ARL17A: variants seen among roughly 807,000 people sequenced by gnomAD.
The protein encoded by ARL17A is ADP-ribosylation factor-like 17-like.
At chr17:46,544,467 T>C (rs146398000) in intron 3 of ARL17A, among the ~76,000 whole-genome samples, 836 of 2,164 alleles carry the variant, frequency 0.39, 2 homozygotes, top group Middle Eastern at 0.46. Context: ...ATAATTATAG[T>C]TAACTCTTAT....
rs546824290 is a variant in ARL17A at position 46,543,356 on chromosome 17, A to T, written c.260-4930T>A. On this transcript the variant is annotated intron_variant, in intron 3 of 4. Transcript: ENST00000329240. The stretch of plus-strand genomic sequence containing the variant: ...TTTACAGTCTCAAAGATTTGTCAGT[A>T]TACTTTAAAACAATCCTGGGAACAG... Among the ~76,000 whole-genome samples, 5 of 150,898 alleles carry T rather than the reference A, an allele frequency of 3.3e-5. No homozygotes were observed. The South Asian group carries it at 1.0e-3, about 31-fold the overall frequency.
chr17:46,503,207 G>A, the ARL17A span, among the ~76,000 whole-genome samples: 4 of 103,664 alleles, frequency 3.9e-5, no homozygotes, highest in Non-Finnish European at 8.3e-5. Flanking sequence ...GGGAGACTCC[G>A]TCTCAAAAAA....
At chr17:46,558,509 C>T (rs1170417772) in intron 3 of ARL17A, among the ~76,000 whole-genome samples, 1 of 123,026 alleles carries the variant, frequency 8.1e-6, no homozygotes, top group Non-Finnish European at 1.7e-5. Flanking sequence ...GCCTCAGCCT[C>T]CCGAATAGCT....
At chr17:46,533,961 C>T (rs896055837) in intron 4 of ARL17A, among the ~76,000 whole-genome samples, 2 of 121,658 alleles carry the variant, frequency 1.6e-5, no homozygotes, top group African/African-American at 4.1e-5. Context: ...TTGACAGTTT[C>T]TTCAGCACTT....
chr17:46,500,736 T>C, the ARL17A span, among the ~76,000 whole-genome samples: 2 of 151,250 alleles, frequency 1.3e-5, no homozygotes, highest in Admixed American at 6.6e-5. Context: ...ATTCAATGAG[T>C]AGCAAAGTTT....
the ARL17A span, among the ~76,000 whole-genome samples, chr17:46,501,730 C>T: frequency 6.6e-6 from 1 of 151,250 alleles, no homozygotes; most frequent in Admixed American, 6.6e-5. Context: ...TCAATTCAAT[C>T]ACCTTTCCAT....
intron 3 of ARL17A, chr17:46,558,836 CT>C (rs765462293): frequency 0.022 from 1,575 of 71,740 alleles, 34 homozygotes; most frequent in African/African-American, 0.061. Context: ...CTCTTTTATT[CT>C]TTTTTTTTTT....
the ARL17A span, among the ~76,000 whole-genome samples, chr17:46,501,695 A>G: frequency 6.6e-6 from 1 of 151,248 alleles, no homozygotes; most frequent in Non-Finnish European, 1.5e-5. Context: ...TCCCAGAGCC[A>G]CAGAATGATA....
At chr17:46,540,512 A>G (rs937826013) in intron 3 of ARL17A, among the ~76,000 whole-genome samples, 8 of 148,586 alleles carry the variant, frequency 5.4e-5, no homozygotes, top group African/African-American at 2.1e-4. Context: ...CCAAGAAAGC[A>G]AAGGGGAAAA....
chr17:46,526,440 C>A (rs1334582319), downstream of ARL17A, among the ~76,000 whole-genome samples: 1 of 103,146 alleles, frequency 9.7e-6, no homozygotes, highest in Admixed American at 8.9e-5. Context: ...TAGAGCCTAA[C>A]CTTCCAGGCT....
At chr17:46,545,113 T>C (rs1363235824) in intron 3 of ARL17A, among the ~76,000 whole-genome samples, 1 of 131,158 alleles carries the variant, frequency 7.6e-6, no homozygotes, top group East Asian at 2.4e-4. Flanking sequence ...ATCACTTGAC[T>C]AAGGTGATCT....
the ARL17A span, among the ~76,000 whole-genome samples, chr17:46,502,545 G>A: frequency 6.6e-6 from 1 of 151,010 alleles, no homozygotes; most frequent in Admixed American, 6.6e-5. Flanking sequence ...CAGGCAGTCT[G>A]CCCACCTCAG....
At chr17:46,545,555 A>G (rs2056171826) in intron 3 of ARL17A, among the ~76,000 whole-genome samples, 1 of 127,638 alleles carries the variant, frequency 7.8e-6, no homozygotes, top group Non-Finnish European at 1.6e-5. Flanking sequence ...CCAAATGTGC[A>G]TCAATGATAA....
At chr17:46,502,997 T>C in the ARL17A span, among the ~76,000 whole-genome samples, 1 of 150,638 alleles carries the variant, frequency 6.6e-6, no homozygotes, top group African/African-American at 2.5e-5. Context: ...TGGATCCCGA[T>C]GTCAGGAGAT....
At chr17:46,568,926 G>C (rs1197597575) in intron 3 of ARL17A, among the ~76,000 whole-genome samples, 16 of 130,698 alleles carry the variant, frequency 1.2e-4, no homozygotes, top group Non-Finnish European at 2.1e-4. Flanking sequence ...ATGTAGAAAG[G>C]ATACTTTTTT....
rs1471201498 is a variant in ARL17A at position 46,535,045 on chromosome 17, C to T, written c.335+3306G>A. Among the ~76,000 whole-genome samples the T allele has an allele frequency of 2.9e-4, 44 of 149,422 alleles. 1 individual carries two copies. The highest frequency in any genetic ancestry group is 7.4e-4 in the African/African-American group (29 of 39,300). On this transcript the variant is annotated intron_variant, in intron 4 of 4. Coordinates refer to the ARL17A transcript ENST00000329240. ...GCAGAGGCGCTCCTCACATCCCAGACGGGCATGCCCAGTTATTTTCAAATT... is the reference window on the plus strand; with the variant it reads ...GCAGAGGCGCTCCTCACATCCCAGATGGGCATGCCCAGTTATTTTCAAATT...
At chr17:46,502,003 C>A in the ARL17A span, among the ~76,000 whole-genome samples, 2 of 151,302 alleles carry the variant, frequency 1.3e-5, no homozygotes, top group South Asian at 4.1e-4. Context: ...TGTTTCTAAC[C>A]TGTGACCATT....
At chr17:46,547,249 A>G (rs1292145123) in intron 3 of ARL17A, 3 of 16,902 alleles carry the variant, frequency 1.8e-4, no homozygotes, top group African/African-American at 1.1e-3. Context: ...TTTACAGATG[A>G]GGAAAAACAA....
At chr17:46,532,023 C>G (rs984422738) in intron 4 of ARL17A, among the ~76,000 whole-genome samples, 1 of 149,592 alleles carries the variant, frequency 6.7e-6, no homozygotes, top group Non-Finnish European at 1.5e-5. Context: ...TTATTTTGCA[C>G]ATAGATGTTC....
Sources: allele counts gnomAD v4.1 joint callset (sites outside exome capture counted in the v4.1 genomes callset), GRCh38; gene constraint gnomAD v4.1.1; transcripts MANE v1.5; gene names NCBI Gene and HGNC (gene_info 2026-07-23, HGNC 2026-07-21).